RAB38: variants seen among roughly 807,000 people sequenced by gnomAD.
The protein encoded by RAB38 is RAB38, member RAS oncogene family.
In RAB38, 15 loss-of-function variants were observed where a neutral mutation model predicts 18.4. That is an observed-to-expected ratio of 0.82 (90% confidence interval 0.55 to 1.26). RAB38 has a LOEUF of 1.26. RAB38 is among the 50% of genes most tolerant of loss of function. The pLI is 0.00. For missense variants in RAB38, 294 were observed against 267.4 expected (o/e 1.10, Z -0.69); for synonymous variants, 101 against 104.4 (o/e 0.97, Z 0.20).
rs550053698 is a variant in RAB38 at position 88,174,576 on chromosome 11, T to C, written c.202+607A>G. ...AGAGGGAGAAAGAATACTTTGCCCC[T>C]GACATATACACACAAAAGTACTTGG... On this transcript the variant is annotated intron_variant, in intron 1 of 2. Transcript: ENST00000243662. 5.3e-4 allele frequency among the ~76,000 whole-genome samples: 69 copies of C among 130,436 alleles called. 1 individual carries two copies. The South Asian group carries it at 8.8e-3, about 17-fold the overall frequency. 85.6% of individuals were successfully genotyped at this position (130,436 alleles called of 152,430 possible).
the RAB38 span, among the ~76,000 whole-genome samples, chr11:87,805,857 A>G: frequency 2.0e-5 from 3 of 152,170 alleles, no homozygotes; most frequent in Non-Finnish European, 4.4e-5. Flanking sequence ...AAGGCAGCCT[A>G]GAGGTAGAAT....
the RAB38 span, among the ~76,000 whole-genome samples, chr11:87,814,768 C>A: frequency 1.3e-5 from 2 of 150,140 alleles, no homozygotes; most frequent in Admixed American, 6.7e-5. Flanking sequence ...GAGTCTCGCT[C>A]TTTCACTGAA....
the RAB38 span, among the ~76,000 whole-genome samples, chr11:87,854,120 C>T: frequency 1.9e-5 from 1 of 51,416 alleles, no homozygotes; most frequent in African/African-American, 7.9e-5. Context: ...ATCAATCACA[C>T]CTGCAAAGGT....
chr11:88,028,675 GAGAAAAA>G, the RAB38 span, among the ~76,000 whole-genome samples: 1 of 151,434 alleles, frequency 6.6e-6, no homozygotes, highest in African/African-American at 2.4e-5. Flanking sequence ...GAGAAGTTTA[GAGAAAAA>G]AGAATAAAAA....
chr11:88,104,820 C>G, the RAB38 span, among the ~76,000 whole-genome samples: 1 of 152,064 alleles, frequency 6.6e-6, no homozygotes, highest in African/African-American at 2.4e-5. Context: ...CTTGCTTATC[C>G]TTTGTCCTCT....
chr11:88,157,281 A>T lies in RAB38; in HGVS notation c.203-7326T>A, dbSNP rs369756925. Among the ~76,000 whole-genome samples the T allele has an allele frequency of 2.0e-3, 312 of 152,330 alleles. 3 individuals carry two copies. The highest frequency in any genetic ancestry group is 7.0e-3 in the African/African-American group (292 of 41,580). ...ACATAATAATAAACGGCTCAATTCGACAATAAGACTTAACTGTCCTGAATA... is the reference window on the plus strand; with the variant it reads ...ACATAATAATAAACGGCTCAATTCGTCAATAAGACTTAACTGTCCTGAATA... On this transcript the variant is annotated intron_variant, in intron 1 of 2. Coordinates refer to ENST00000243662, the MANE Select transcript of RAB38 (RefSeq NM_022337.3).
At chr11:88,092,905 A>G in the RAB38 span, among the ~76,000 whole-genome samples, 1 of 151,804 alleles carries the variant, frequency 6.6e-6, no homozygotes, top group South Asian at 2.1e-4. Context: ...AAGATACATA[A>G]GATCACACAA....
chr11:87,977,735 T>A, the RAB38 span, among the ~76,000 whole-genome samples: 1 of 31,746 alleles, frequency 3.1e-5, no homozygotes, highest in South Asian at 1.1e-3. Flanking sequence ...ATGACATATG[T>A]TATATATTCT....
At chr11:88,138,854 C>T (rs557062672) in intron 2 of RAB38, among the ~76,000 whole-genome samples, 4 of 151,656 alleles carry the variant, frequency 2.6e-5, no homozygotes, top group Non-Finnish European at 5.9e-5. Context: ...GCGATCTCGG[C>T]TCCCTGCAAG....
At chr11:87,910,138 A>G in the RAB38 span, among the ~76,000 whole-genome samples, 5 of 151,802 alleles carry the variant, frequency 3.3e-5, no homozygotes, top group Non-Finnish European at 5.9e-5. Context: ...TATAGTTTCA[A>G]TGTTAATTTT....
At chr11:88,145,166 A>G (rs1942966690) in intron 2 of RAB38, among the ~76,000 whole-genome samples, 1 of 150,484 alleles carries the variant, frequency 6.6e-6, no homozygotes, top group South Asian at 2.1e-4. Flanking sequence ...TTTTGTGGGT[A>G]GGGATGGAGT....
chr11:87,910,281 C>T, the RAB38 span, among the ~76,000 whole-genome samples: 2 of 152,024 alleles, frequency 1.3e-5, no homozygotes, highest in African/African-American at 4.8e-5. Flanking sequence ...AATGTATTAT[C>T]AAATCTTTTG....
the RAB38 span, among the ~76,000 whole-genome samples, chr11:88,070,457 C>G: frequency 6.6e-6 from 1 of 152,170 alleles, no homozygotes; most frequent in East Asian, 1.9e-4. Flanking sequence ...TCAGTGAGAC[C>G]AAGAACCCAC....
chr11:87,938,625 T>TTG, the RAB38 span, among the ~76,000 whole-genome samples: 30 of 140,664 alleles, frequency 2.1e-4, no homozygotes, highest in East Asian at 1.7e-3. Flanking sequence ...TTCCGTTTTT[T>TTG]TTTTTTTGAT....
chr11:88,101,844 T>G, the RAB38 span, among the ~76,000 whole-genome samples: 6 of 146,082 alleles, frequency 4.1e-5, no homozygotes, highest in Admixed American at 4.0e-4. Flanking sequence ...ATAATTACAC[T>G]ATTATATTTA....
At chr11:87,847,664 T>G in the RAB38 span, among the ~76,000 whole-genome samples, 1 of 152,050 alleles carries the variant, frequency 6.6e-6, no homozygotes, top group Non-Finnish European at 1.5e-5. Flanking sequence ...CACAGGAGAC[T>G]GCAGCAGAAC....
chr11:88,141,288 A>G (rs892282465), intron 2 of RAB38, among the ~76,000 whole-genome samples: 1 of 152,012 alleles, frequency 6.6e-6, no homozygotes, highest in Admixed American at 6.5e-5. Flanking sequence ...ATGTCTGGAG[A>G]TATGTTTGAT....
the RAB38 span, among the ~76,000 whole-genome samples, chr11:87,966,197 G>A: frequency 1.3e-5 from 2 of 152,152 alleles, no homozygotes; most frequent in Non-Finnish European, 2.9e-5. Context: ...CTGAGAAAAT[G>A]TGGATCAGGA....
intron 2 of RAB38, among the ~76,000 whole-genome samples, chr11:88,130,338 C>A (rs189432730): frequency 1.3e-5 from 2 of 152,234 alleles, no homozygotes; most frequent in African/African-American, 4.8e-5. Context: ...CAGATTCGAG[C>A]GGTGTCTGAA....
Sources: gnomAD v4.1 joint callset for allele counts (sites outside exome capture counted in the v4.1 genomes callset) on GRCh38, gnomAD v4.1.1 for gene constraint, MANE v1.5 for transcripts, NCBI Gene and HGNC (gene_info 2026-07-23, HGNC 2026-07-21) for gene names.